The following CNTN5 variants were observed in gnomAD, a reference collection of about 807,000 sequenced individuals.
The protein encoded by CNTN5 is contactin-5.
CNTN5 carries 77 observed loss-of-function variants against 129.1 expected under a neutral mutation model. The ratio of observed to expected loss-of-function variants is 0.60; its 90% CI spans 0.50 to 0.72. The LOEUF (loss-of-function observed/expected upper bound fraction) is 0.72, where lower values mean the gene tolerates loss of function less well. Among genes scored for constraint, CNTN5 ranks in the 30% least tolerant of loss-of-function variants. The pLI is 0.00. For synonymous variants in CNTN5, 509 were observed against 465.6 expected, an observed-to-expected ratio of 1.09 and a Z score of -1.20; for missense variants, 1,478 against 1,328.8, an observed-to-expected ratio of 1.11 and a Z score of -1.75.
rs997922234 is a variant in CNTN5, at chr11:99,657,701, G to A, written c.55+101432G>A. 5.3e-5 allele frequency among the ~76,000 whole-genome samples: 8 copies of A among 152,092 alleles called. No individual in the cohort carries two copies. The South Asian group carries it at 1.2e-3, about 24-fold the overall frequency. The stretch of plus-strand genomic sequence containing the variant: ...GCATAGTCCTGCTGTCAATTATGAC[G>A]TATTATAATGAATGGTAACACAAAT... On this transcript the variant is annotated intron_variant, in intron 3 of 24. Coordinates refer to ENST00000524871, the MANE Select transcript of CNTN5 (RefSeq NM_014361.4).
At chr11:99,968,855 A>G (rs1951171167) in intron 8 of CNTN5, among the ~76,000 whole-genome samples, 1 of 151,768 alleles carries the variant, frequency 6.6e-6, no homozygotes, top group Non-Finnish European at 1.5e-5. Flanking sequence ...TATCTCTGCT[A>G]AGGAAGCTGA....
chr11:99,911,429 T>G (rs1949655975), intron 6 of CNTN5, among the ~76,000 whole-genome samples: 1 of 151,956 alleles, frequency 6.6e-6, no homozygotes, highest in Non-Finnish European at 1.5e-5. Flanking sequence ...CTGGGAAACA[T>G]AAGTCCAGGA....
chr11:100,296,355 G>T (rs1001812780), intron 18 of CNTN5, among the ~76,000 whole-genome samples: 1 of 151,392 alleles, frequency 6.6e-6, no homozygotes, highest in Admixed American at 6.6e-5. Flanking sequence ...ATTTTTCTCA[G>T]TTGAATTCCA....
At chr11:99,092,148 C>T (rs943861539) in intron 1 of CNTN5, among the ~76,000 whole-genome samples, 1 of 152,076 alleles carries the variant, frequency 6.6e-6, no homozygotes, top group African/African-American at 2.4e-5. Context: ...TAGTGCAGAC[C>T]TATCATAATT....
At chr11:99,944,356 C>T (rs758212068) in intron 7 of CNTN5, among the ~76,000 whole-genome samples, 7 of 151,866 alleles carry the variant, frequency 4.6e-5, no homozygotes, top group Admixed American at 6.6e-5. Context: ...TAGTTAAGAA[C>T]GTATCTCAAA....
chr11:99,411,306 C>A (rs1942379824), intron 2 of CNTN5, among the ~76,000 whole-genome samples: 1 of 152,040 alleles, frequency 6.6e-6, no homozygotes, highest in Non-Finnish European at 1.5e-5. Flanking sequence ...AGACAGATTG[C>A]TTGAGCCCAG....
intron 3 of CNTN5, among the ~76,000 whole-genome samples, chr11:99,613,423 C>T (rs970137218): frequency 5.3e-5 from 8 of 152,130 alleles, no homozygotes; most frequent in Non-Finnish European, 1.0e-4. Flanking sequence ...CCTCCCCAGC[C>T]GTGCTGAACT....
intron 1 of CNTN5, among the ~76,000 whole-genome samples, chr11:99,050,978 TATC>T (rs1485264743): frequency 3.3e-5 from 5 of 151,932 alleles, no homozygotes; most frequent in African/African-American, 1.2e-4. Context: ...TGTATATTAA[TATC>T]ATCATAAGCA....
intron 3 of CNTN5, among the ~76,000 whole-genome samples, chr11:99,559,368 A>G (rs1948767779): frequency 6.6e-6 from 1 of 152,104 alleles, no homozygotes; most frequent in Non-Finnish European, 1.5e-5. Flanking sequence ...TGTCTAAGAA[A>G]CGGAAAAGAA....
intron 2 of CNTN5, among the ~76,000 whole-genome samples, chr11:99,481,890 A>C (rs1429779538): frequency 6.6e-6 from 1 of 152,146 alleles, no homozygotes; most frequent in African/African-American, 2.4e-5. Flanking sequence ...ATCTCCTTGG[A>C]GGTGATTGTT....
intron 2 of CNTN5, among the ~76,000 whole-genome samples, chr11:99,451,477 A>C (rs145854535): frequency 6.8e-4 from 104 of 152,304 alleles, no homozygotes; most frequent in Non-Finnish European, 1.2e-3. Flanking sequence ...GTGTATTCTG[A>C]AATCTCAGAA....
At chr11:99,578,273 G>A (rs1344151749) in intron 3 of CNTN5, among the ~76,000 whole-genome samples, 1 of 151,896 alleles carries the variant, frequency 6.6e-6, no homozygotes, top group African/African-American at 2.4e-5. Flanking sequence ...ATTGTGACTA[G>A]TGCCACAATA....
intron 2 of CNTN5, among the ~76,000 whole-genome samples, chr11:99,550,314 A>G (rs1317264740): frequency 6.6e-6 from 1 of 152,202 alleles, no homozygotes; most frequent in African/African-American, 2.4e-5. Context: ...GCAAGCAATA[A>G]GGAGACACAT....
intron 3 of CNTN5, among the ~76,000 whole-genome samples, chr11:99,813,750 C>T (rs764993018): frequency 1.3e-5 from 2 of 152,016 alleles, no homozygotes; most frequent in Admixed American, 6.6e-5. Flanking sequence ...GTTGTGGTAT[C>T]TTGGAATTAC....
intron 3 of CNTN5, among the ~76,000 whole-genome samples, chr11:99,697,143 A>G (rs950034000): frequency 1.5e-4 from 23 of 152,020 alleles, no homozygotes; most frequent in Non-Finnish European, 3.2e-4. Context: ...AAATAATTGA[A>G]TAAGTAAATG....
At chr11:99,668,049 G>C (rs1952871654) in intron 3 of CNTN5, among the ~76,000 whole-genome samples, 1 of 152,150 alleles carries the variant, frequency 6.6e-6, no homozygotes, top group Non-Finnish European at 1.5e-5. Context: ...AGCAACAACA[G>C]ATCCTACTGT....
rs934766305 is a variant in CNTN5 at position 99,299,274 on chromosome 11, G to T, written c.-209-26072G>T. ...ACTAATTATGTTCAAAGAACTAAAA[G>T]AAATTATGTATTATGAATAAAAATA... On this transcript the variant is annotated intron_variant, in intron 1 of 24. Coordinates refer to ENST00000524871, the MANE Select transcript of CNTN5 (RefSeq NM_014361.4). Among the ~76,000 whole-genome samples, 4 of 152,140 alleles carry T rather than the reference G, an allele frequency of 2.6e-5. No individual in the cohort carries two copies. In the South Asian group the frequency reaches 6.2e-4, roughly 24 times the overall value.
At chr11:99,650,308 ATAT>A (rs1952106416) in intron 3 of CNTN5, among the ~76,000 whole-genome samples, 1 of 151,864 alleles carries the variant, frequency 6.6e-6, no homozygotes, top group Non-Finnish European at 1.5e-5. Context: ...GGGGAGTCAG[ATAT>A]TATTCAGAAA....
chr11:100,200,425 G>A (rs139837056), intron 15 of CNTN5, among the ~76,000 whole-genome samples: 9 of 151,814 alleles, frequency 5.9e-5, no homozygotes, highest in Admixed American at 2.6e-4. Context: ...CTATATTGTC[G>A]TAGGTATACA....
Sources: gnomAD v4.1 joint callset for allele counts (sites outside exome capture counted in the v4.1 genomes callset) on GRCh38, gnomAD v4.1.1 for gene constraint, MANE v1.5 for transcripts, NCBI Gene and HGNC (gene_info 2026-07-23, HGNC 2026-07-21) for gene names.